Variants in CCDC3 observed in about 807,000 individuals in gnomAD.
The protein encoded by CCDC3 is coiled-coil domain-containing protein 3.
CCDC3 carries 24 observed loss-of-function variants against 21.4 expected under a neutral mutation model. The ratio of observed to expected loss-of-function variants is 1.12; its 90% confidence interval spans 0.81 to 1.58. The LOEUF is 1.58. Among genes scored for constraint, CCDC3 ranks in the 40% most tolerant of loss-of-function variants. The pLI is 0.00. For missense variants in CCDC3, 425 were observed against 360.9 expected, an observed-to-expected ratio of 1.18 and a Z score of -1.44; for synonymous variants, 186 against 166.0, an observed-to-expected ratio of 1.12 and a Z score of -0.93.
chr10:13,063,834 C>T lies in CCDC3; in HGVS notation c.-270+10034G>A, dbSNP rs530459812. On this transcript the variant is annotated intron_variant, in intron 4 of 6. Coordinates refer to the CCDC3 transcript ENST00000378839. ...TAGAATTGTATGTTCTAGCTCTCTG[C>T]GATCCTGCTTTTTATCCCGAGGAAG... is the stretch of plus-strand genomic sequence containing the variant. 5.3e-5 allele frequency among the ~76,000 whole-genome samples: 8 copies of T among 152,222 alleles called. 1 individual carries two copies. Among genetic ancestry groups the T allele is most frequent in the African/African-American group, 1.9e-4 (8 of 41,524 alleles).
At chr10:12,914,428 C>G (rs1435084826) in intron 2 of CCDC3, among the ~76,000 whole-genome samples, 1 of 151,972 alleles carries the variant, frequency 6.6e-6, no homozygotes, top group East Asian at 1.9e-4. Context: ...AATTTCTCCT[C>G]TTTCATTTCT....
chr10:13,086,753 A>C (rs972012484), intron 3 of CCDC3, among the ~76,000 whole-genome samples: 2 of 152,244 alleles, frequency 1.3e-5, no homozygotes, highest in East Asian at 3.9e-4. Context: ...GCCTCTGTAA[A>C]AGGTTTCTAC....
At position 13,047,244 on chromosome 10, in the gene CCDC3, AC is replaced by A. The variant is rs568935844; in HGVS notation, c.-2+2429del. Among the ~76,000 whole-genome samples the A allele has an allele frequency of 2.6e-3, 401 of 152,282 alleles. 3 individuals are homozygous for A. Among genetic ancestry groups the A allele is most frequent in the African/African-American group, 9.2e-3 (382 of 41,554 alleles). ...TGTAGCCTTAGAAAGTCCTCTTGTG[AC>A]CCTGAAGATGGGCATACCCAAATTT... On this transcript the variant is annotated intron_variant, in intron 5 of 6. Transcript: ENST00000378839.
At chr10:12,905,959 G>T (rs1223258105) in intron 2 of CCDC3, among the ~76,000 whole-genome samples, 3 of 152,232 alleles carry the variant, frequency 2.0e-5, no homozygotes, top group Non-Finnish European at 4.4e-5. Flanking sequence ...GGACTCTGGG[G>T]AGCTTGATGG....
At chr10:12,941,359 C>T (rs1306815474) in intron 2 of CCDC3, among the ~76,000 whole-genome samples, 1 of 151,448 alleles carries the variant, frequency 6.6e-6, no homozygotes, top group East Asian at 2.0e-4. Flanking sequence ...CAGGGCTGCT[C>T]TGTCTATGGA....
At chr10:13,082,213 T>C (rs1015692084) in intron 3 of CCDC3, among the ~76,000 whole-genome samples, 49 of 152,180 alleles carry the variant, frequency 3.2e-4, no homozygotes, top group African/African-American at 1.1e-3. Context: ...ATTTATTGGA[T>C]ACAAGACAAG....
Position 13,074,428 on chromosome 10 carries a change from C to T in CCDC3, c.-502-328G>A, listed in dbSNP as rs191122661. 7.8e-3 allele frequency among the ~76,000 whole-genome samples: 1,148 copies of T among 147,944 alleles called. 7 individuals are homozygous for T. The highest frequency in any genetic ancestry group is 0.027 in the South Asian group (122 of 4,592). On this transcript the variant is annotated intron_variant, in intron 3 of 6. Transcript: ENST00000378839. Reference sequence around the variant, plus strand: ...CTCGAACTCCCGACTTCAGGTGATCCGCCCACCTCGACCTCCCAAAGTGCT... The same window carrying T: ...CTCGAACTCCCGACTTCAGGTGATCTGCCCACCTCGACCTCCCAAAGTGCT...
chr10:12,998,308 G>A (rs1564314652), intron 2 of CCDC3, 30 bp downstream of exon 2: 1 of 1,604,480 alleles, frequency 6.2e-7, no homozygotes, highest in South Asian at 1.1e-5. Context: ...CTATTGTTTT[G>A]CTGTGGCACA....
intron 5 of CCDC3, among the ~76,000 whole-genome samples, chr10:13,026,054 G>T (rs1034192275): frequency 6.6e-6 from 1 of 152,008 alleles, no homozygotes; most frequent in Admixed American, 6.6e-5. Flanking sequence ...GGTGGCGTGT[G>T]CCTGTAATCC....
intron 3 of CCDC3, among the ~76,000 whole-genome samples, chr10:13,081,695 A>G (rs1768485792): frequency 6.6e-6 from 1 of 152,262 alleles, no homozygotes; most frequent in Admixed American, 6.5e-5. Context: ...AGACACAATG[A>G]CAAGACCAAA....
chr10:13,003,624 T>C (rs1564316818), upstream of CCDC3, among the ~76,000 whole-genome samples: 1 of 152,238 alleles, frequency 6.6e-6, no homozygotes, highest in Non-Finnish European at 1.5e-5. Flanking sequence ...TGCTCTATTT[T>C]AGTCCTATAC....
intron 2 of CCDC3, among the ~76,000 whole-genome samples, chr10:12,979,405 G>C (rs1835463757): frequency 6.6e-6 from 1 of 151,544 alleles, no homozygotes; most frequent in Non-Finnish European, 1.5e-5. Flanking sequence ...CTTTGTTTTT[G>C]GTTTTGAGAC....
chr10:13,058,710 C>T, intron 4 of CCDC3: 1 of 362,196 alleles, frequency 2.8e-6, no homozygotes, highest in South Asian at 4.8e-5. Context: ...TGTGGCTCGA[C>T]AGAGACCTGC....
At chr10:13,063,726 C>T (rs1836789934) in intron 4 of CCDC3, among the ~76,000 whole-genome samples, 1 of 152,156 alleles carries the variant, frequency 6.6e-6, no homozygotes. Context: ...AGTATTTTGG[C>T]TTGCATGCTT....
At chr10:13,075,069 C>T (rs1043299012) in intron 3 of CCDC3, among the ~76,000 whole-genome samples, 7 of 152,122 alleles carry the variant, frequency 4.6e-5, no homozygotes, top group African/African-American at 1.7e-4. Context: ...GCATAGGTGC[C>T]CACTGCAAAC....
At chr10:13,079,503 G>A (rs867154647) in intron 3 of CCDC3, among the ~76,000 whole-genome samples, 7 of 151,976 alleles carry the variant, frequency 4.6e-5, no homozygotes, top group Non-Finnish European at 1.5e-5. Flanking sequence ...TCCTTGGTTG[G>A]GACACATACC....
chr10:13,085,197 G>T (rs907555160), intron 3 of CCDC3, among the ~76,000 whole-genome samples: 1 of 152,154 alleles, frequency 6.6e-6, no homozygotes, highest in Non-Finnish European at 1.5e-5. Flanking sequence ...GCAAGCCTGG[G>T]TCCCAGCCCC....
intron 2 of CCDC3, among the ~76,000 whole-genome samples, chr10:12,907,698 G>C (rs1317759585): frequency 6.6e-6 from 1 of 152,138 alleles, no homozygotes; most frequent in East Asian, 1.9e-4. Flanking sequence ...TAAGATCTGG[G>C]AGCTGGATTT....
intron 2 of CCDC3, among the ~76,000 whole-genome samples, chr10:12,923,843 A>G (rs1248353747): frequency 6.6e-6 from 1 of 152,214 alleles, no homozygotes; most frequent in Non-Finnish European, 1.5e-5. Context: ...AAGGTTTCAG[A>G]CAACCTCTGC....
Sources: allele counts gnomAD v4.1 joint callset (sites outside exome capture counted in the v4.1 genomes callset), GRCh38; gene constraint gnomAD v4.1.1; transcripts MANE v1.5; gene names NCBI Gene and HGNC (gene_info 2026-07-23, HGNC 2026-07-21).